Variants in TTC28 observed in about 807,000 individuals in gnomAD.
The protein encoded by TTC28 is tetratricopeptide repeat domain 28.
A neutral mutation model predicts 198.0 loss-of-function variants in TTC28; 61 were observed. The observed-to-expected ratio is 0.31, with a 90% CI of 0.25 to 0.38. The LOEUF (loss-of-function observed/expected upper bound fraction) is 0.38. Ranked by LOEUF, TTC28 falls within the 10% of genes least tolerant of loss-of-function variation. The pLI is 1.00. For synonymous variants in TTC28, 1,171 were observed against 1,297.8 expected (o/e 0.90, Z 2.10); for missense variants, 2,678 against 3,164.0 (o/e 0.85, Z 3.69).
chr22:28,618,136 G>T (rs1171368742), intron 2 of TTC28, among the ~76,000 whole-genome samples: 1 of 152,012 alleles, frequency 6.6e-6, no homozygotes, highest in Non-Finnish European at 1.5e-5. Flanking sequence ...TTAGCCAGGC[G>T]TGGTGGTGGG....
chr22:28,286,407 C>A (rs1343856354), intron 5 of TTC28, among the ~76,000 whole-genome samples: 1 of 152,104 alleles, frequency 6.6e-6, no homozygotes, highest in Non-Finnish European at 1.5e-5. Context: ...TAATGAGATA[C>A]TTTACATTCT....
intron 5 of TTC28, among the ~76,000 whole-genome samples, chr22:28,291,687 C>T (rs1421236606): frequency 6.6e-6 from 1 of 152,092 alleles, no homozygotes; most frequent in Non-Finnish European, 1.5e-5. Context: ...CAAACCAGCC[C>T]ACTTCTAATA....
intron 5 of TTC28, among the ~76,000 whole-genome samples, chr22:28,248,680 G>T (rs1298355342): frequency 1.3e-5 from 2 of 152,068 alleles, no homozygotes; most frequent in Non-Finnish European, 2.9e-5. Context: ...AAAATATCCT[G>T]CCCAAAATAT....
At chr22:28,413,527 A>G (rs1462906669) in intron 2 of TTC28, among the ~76,000 whole-genome samples, 2 of 152,170 alleles carry the variant, frequency 1.3e-5, no homozygotes. Flanking sequence ...TTATTGTTTA[A>G]ATGTTGCGAC....
intron 5 of TTC28, among the ~76,000 whole-genome samples, chr22:28,193,103 C>G (rs988333413): frequency 5.9e-5 from 9 of 152,194 alleles, no homozygotes; most frequent in African/African-American, 1.9e-4. Flanking sequence ...GACAGAAACT[C>G]TACAAGCCAG....
intron 12 of TTC28, among the ~76,000 whole-genome samples, chr22:28,084,326 G>T (rs1395582814): frequency 6.6e-6 from 1 of 152,202 alleles, no homozygotes; most frequent in Non-Finnish European, 1.5e-5. Flanking sequence ...CCAGAGGAAT[G>T]AACAGGCAGC....
intron 5 of TTC28, among the ~76,000 whole-genome samples, chr22:28,278,525 A>T (rs748931846): frequency 6.6e-6 from 1 of 152,202 alleles, no homozygotes; most frequent in African/African-American, 2.4e-5. Flanking sequence ...TATCATTCCT[A>T]TAGGCTTCCT....
At chr22:28,407,474 A>T (rs774128727) in intron 2 of TTC28, among the ~76,000 whole-genome samples, 1 of 113,730 alleles carries the variant, frequency 8.8e-6, no homozygotes, top group East Asian at 2.1e-4. Context: ...ATGCGTGCGC[A>T]CACACACACA....
At chr22:28,072,427 T>C (rs1193577403) in intron 12 of TTC28, among the ~76,000 whole-genome samples, 1 of 152,176 alleles carries the variant, frequency 6.6e-6, no homozygotes, top group Non-Finnish European at 1.5e-5. Flanking sequence ...GGGACATTCA[T>C]CAATGGGACT....
intron 2 of TTC28, among the ~76,000 whole-genome samples, chr22:28,628,049 G>A (rs1431616986): frequency 3.3e-5 from 5 of 152,052 alleles, no homozygotes; most frequent in African/African-American, 9.7e-5. Flanking sequence ...GGGGATATAG[G>A]TGAGTGCCAC....
At position 28,486,122 on chromosome 22, in the gene TTC28, A is replaced by C. The variant is rs532882970; in HGVS notation, c.381+143430T>G. ...CATTGGTACCTGTGAAATTCCTAGG[A>C]ATTTTCTTCCTGTGGGATATTGTAC... On this transcript the variant is annotated intron_variant, in intron 2 of 22. Coordinates refer to ENST00000397906, the MANE Select transcript of TTC28 (RefSeq NM_001145418.2). Among the ~76,000 whole-genome samples, 76 of 152,202 alleles carry C rather than the reference A, an allele frequency of 5.0e-4. 2 individuals are homozygous for C. Among genetic ancestry groups the C allele is most frequent in the Admixed American group, 4.1e-3 (62 of 15,284 alleles).
intron 2 of TTC28, among the ~76,000 whole-genome samples, chr22:28,323,987 T>A (rs1239833586): frequency 1.3e-5 from 2 of 151,890 alleles, no homozygotes; most frequent in East Asian, 1.9e-4. Flanking sequence ...AAGGAAAAAA[T>A]TTTTACACTA....
In TTC28 at chr22:27,996,165, C is replaced by T. The variant is rs375902471; in HGVS notation, c.5214G>A (p.Ala1738=). The T allele has an allele frequency of 1.7e-5, 26 of 1,550,902 alleles. No individual in the cohort carries two copies. The highest frequency in any genetic ancestry group is 8.2e-5 in the African/African-American group (6 of 73,178). Residue 1738 remains alanine, a synonymous_variant, in exon 17 of 23, where the codon GCG becomes GCA. Coordinates refer to ENST00000397906, the MANE Select transcript of TTC28 (RefSeq NM_001145418.2). ...LTEILQHPER[A]RDALRVLLHL... ...GCAGCAGCACTCGCAGGGCGTCCCG[C>T]GCACGCTCCGGGTGCTGCAGGATCT...
chr22:27,983,275 G>A lies in TTC28; in HGVS notation c.6392C>T (p.Ser2131Leu). The change falls in exon 23 of 23, where the codon TCA becomes TTA. Residue 2131 changes from serine (S) to leucine (L), a missense_variant. Physicochemically the swap from Ser to Leu is moderately radical, Grantham distance 145. Around this residue, in one of 8 missense-constraint regions of TTC28, gnomAD observed 622 missense variants for 656.0 expected, o/e 0.95. Transcript: ENST00000397906. ...AGACTGGTCTGATTCTCCTGTATCT[G>A]AGCTTGCTAGTTTTCCCACCTTTTG... is the stretch of plus-strand genomic sequence containing the variant. ...PFQKVGKLAS[S>L]DTGESDQSST... The A allele has an allele frequency of 6.4e-7, 1 of 1,552,024 alleles. No individual in the cohort carries two copies. The highest frequency in any genetic ancestry group is 1.7e-4 in the Middle Eastern group (1 of 5,994).
chr22:28,176,334 C>A (rs1290303476), intron 5 of TTC28, among the ~76,000 whole-genome samples: 1 of 152,044 alleles, frequency 6.6e-6, no homozygotes, highest in East Asian at 1.9e-4. Flanking sequence ...TATGCATGAT[C>A]TCATTCCTAT....
chr22:28,516,424 T>C (rs1484366105), intron 2 of TTC28, among the ~76,000 whole-genome samples: 2 of 152,158 alleles, frequency 1.3e-5, no homozygotes, highest in Non-Finnish European at 2.9e-5. Flanking sequence ...TCAGGTGTTA[T>C]TAAGAATACT....
chr22:28,166,655 T>G (rs1014132738), intron 5 of TTC28, among the ~76,000 whole-genome samples: 5 of 152,182 alleles, frequency 3.3e-5, no homozygotes, highest in African/African-American at 1.2e-4. Flanking sequence ...CCAGAATCTC[T>G]GGGACACATT....
chr22:28,129,473 C>A (rs1423676739), intron 6 of TTC28, among the ~76,000 whole-genome samples: 1 of 152,208 alleles, frequency 6.6e-6, no homozygotes, highest in Non-Finnish European at 1.5e-5. Flanking sequence ...AGAGCAGGAG[C>A]TTGGCGGTCA....
intron 3 of TTC28, among the ~76,000 whole-genome samples, chr22:28,301,867 T>C (rs1000588435): frequency 1.3e-5 from 2 of 151,986 alleles, no homozygotes; most frequent in Admixed American, 6.6e-5. Context: ...TGAAACCTCA[T>C]GTCTATAAAA....
Sources: allele counts gnomAD v4.1 joint callset (sites outside exome capture counted in the v4.1 genomes callset), GRCh38; gene constraint gnomAD v4.1.1; regional missense constraint gnomAD v4.1.1; transcripts MANE v1.5; gene names NCBI Gene and HGNC (gene_info 2026-07-23, HGNC 2026-07-21).